Variants in CRPPA observed in about 807,000 individuals in gnomAD.
CRPPA encodes D-ribitol-5-phosphate cytidylyltransferase.
A neutral mutation model predicts 52.0 loss-of-function variants in CRPPA; 43 were observed. That is an observed-to-expected ratio of 0.83 (90% CI 0.65 to 1.07). The LOEUF (loss-of-function observed/expected upper bound fraction) is 1.07. Ranked by LOEUF, CRPPA falls within the 50% of genes least tolerant of loss-of-function variation. The pLI, the probability that CRPPA is intolerant of heterozygous loss-of-function variation, is 0.00. For missense variants in CRPPA, 629 were observed against 551.7 expected, an observed-to-expected ratio of 1.14 and a Z score of -1.40; for synonymous variants, 250 against 203.5, an observed-to-expected ratio of 1.23 and a Z score of -1.94.
chr7:16,266,143 T>C (rs1290989048), intron 6 of CRPPA: 8 of 152,248 alleles, frequency 5.3e-5, no homozygotes, highest in African/African-American at 1.9e-4. Context: ...ATTGCCAGTA[T>C]ACACATTCCC....
chr7:16,151,114 C>G (rs1978253), intron 9 of CRPPA, among the ~76,000 whole-genome samples: 45,500 of 152,038 alleles, frequency 0.3, 8,182 homozygotes, highest in Admixed American at 0.4. Flanking sequence ...GTTAACACAC[C>G]AGTAGGATTC....
rs757952150 is a variant in CRPPA at position 16,091,497 on chromosome 7, T to A, written c.*198A>T. On this transcript the variant is annotated 3_prime_UTR_variant, in exon 10 of 10. Transcript: ENST00000407010. ...TTTTTCTGGTTCAGGCAATTAATAT[T>A]TGTCATACACAAAAGTATTCTTTAT... The A allele has an allele frequency of 6.8e-6, 3 of 440,682 alleles. No homozygotes were observed. Among genetic ancestry groups the A allele is most frequent in the Non-Finnish European group, 1.2e-5 (3 of 253,458 alleles). The allele number at this position is 440,682 out of a possible 1,614,324, so 27.3% of individuals were successfully genotyped here.
chr7:16,100,289 A>G (rs921630117), intron 9 of CRPPA, among the ~76,000 whole-genome samples: 2 of 152,154 alleles, frequency 1.3e-5, no homozygotes, highest in African/African-American at 4.8e-5. Context: ...TTTTTATTGC[A>G]TATCAGTAAT....
In CRPPA at chr7:16,399,463, G is replaced by A. The variant is rs189590719; in HGVS notation, c.534+6598C>T. 2.2e-4 allele frequency among the ~76,000 whole-genome samples: 33 copies of A among 151,944 alleles called. No individual in the cohort carries two copies. In the East Asian group the frequency reaches 6.4e-3, roughly 30 times the overall value. Reference sequence around the variant, plus strand: ...CACATGTCCAACATGTGACTGATACGAGATTGACAAGACGTTTGATCAACA... The same window carrying A: ...CACATGTCCAACATGTGACTGATACAAGATTGACAAGACGTTTGATCAACA... On this transcript the variant is annotated intron_variant, in intron 2 of 9. Coordinates refer to ENST00000407010, the MANE Select transcript of CRPPA (RefSeq NM_001101426.4).
intron 5 of CRPPA, among the ~76,000 whole-genome samples, chr7:16,295,951 T>C (rs554964264): frequency 6.2e-4 from 94 of 152,138 alleles, no homozygotes; most frequent in Non-Finnish European, 8.1e-4. Context: ...TCACTCACAG[T>C]AGAAGCCTGA....
intron 2 of CRPPA, among the ~76,000 whole-genome samples, chr7:16,404,737 T>C (rs1025270685): frequency 6.6e-6 from 1 of 152,174 alleles, no homozygotes; most frequent in African/African-American, 2.4e-5. Context: ...TCTTAAGTTG[T>C]AAATCCTCTG....
At chr7:16,331,444 T>C (rs1785551345) in intron 3 of CRPPA, among the ~76,000 whole-genome samples, 2 of 152,126 alleles carry the variant, frequency 1.3e-5, no homozygotes, top group African/African-American at 2.4e-5. Flanking sequence ...TATATCTTTC[T>C]GTTAATAAAA....
intron 9 of CRPPA, among the ~76,000 whole-genome samples, chr7:16,127,319 T>A (rs779268535): frequency 1.3e-5 from 2 of 152,080 alleles, no homozygotes; most frequent in Non-Finnish European, 2.9e-5. Flanking sequence ...CACTATTGAA[T>A]GTATCCTTGT....
At chr7:16,377,054 T>G (rs1459582111) in intron 2 of CRPPA, among the ~76,000 whole-genome samples, 4 of 152,216 alleles carry the variant, frequency 2.6e-5, no homozygotes, top group Admixed American at 2.6e-4. Flanking sequence ...TGGGGATGAT[T>G]GCAGCATATG....
chr7:16,129,819 C>T (rs1466710756), intron 9 of CRPPA, among the ~76,000 whole-genome samples: 1 of 152,128 alleles, frequency 6.6e-6, no homozygotes, highest in Non-Finnish European at 1.5e-5. Context: ...TTCAATTCAT[C>T]TCCCTTCCTC....
At chr7:16,397,665 G>A (rs555150117) in intron 2 of CRPPA, among the ~76,000 whole-genome samples, 4 of 151,980 alleles carry the variant, frequency 2.6e-5, no homozygotes, top group African/African-American at 9.7e-5. Context: ...ATGTGACTAA[G>A]ACGTCACCGA....
intron 8 of CRPPA, among the ~76,000 whole-genome samples, chr7:16,252,045 A>T (rs568199552): frequency 6.6e-6 from 1 of 152,288 alleles, no homozygotes; most frequent in South Asian, 2.1e-4. Flanking sequence ...GATAGAGAGC[A>T]TATCACGACT....
At chr7:16,229,513 CTT>C (rs1782736370) in intron 8 of CRPPA, among the ~76,000 whole-genome samples, 1 of 150,472 alleles carries the variant, frequency 6.6e-6, no homozygotes, top group South Asian at 2.1e-4. Flanking sequence ...GTGATGAACA[CTT>C]TGATTTTAAC....
At chr7:16,201,872 C>CT (rs1420851488) in intron 9 of CRPPA, among the ~76,000 whole-genome samples, 1 of 152,134 alleles carries the variant, frequency 6.6e-6, no homozygotes, top group Non-Finnish European at 1.5e-5. Context: ...TTTTACTTCT[C>CT]TTTCATCTGA....
chr7:16,119,038 C>T (rs756520396), intron 9 of CRPPA, among the ~76,000 whole-genome samples: 8 of 152,076 alleles, frequency 5.3e-5, no homozygotes, highest in Admixed American at 6.6e-5. Context: ...GCCCGGTCTC[C>T]GAAGGAGTCT....
intron 9 of CRPPA, among the ~76,000 whole-genome samples, chr7:16,162,403 C>G (rs538264575): frequency 2.0e-5 from 3 of 152,038 alleles, no homozygotes; most frequent in East Asian, 1.9e-4. Context: ...TTTCAAAGAA[C>G]TTACTGATTT....
At chr7:16,273,243 G>A (rs553188515) in intron 6 of CRPPA, among the ~76,000 whole-genome samples, 4 of 151,922 alleles carry the variant, frequency 2.6e-5, no homozygotes, top group African/African-American at 9.7e-5. Context: ...CCTGGGTACT[G>A]TGGCCCAAAG....
At chr7:16,388,882 A>G (rs1019418398) in intron 2 of CRPPA, among the ~76,000 whole-genome samples, 1 of 152,212 alleles carries the variant, frequency 6.6e-6, no homozygotes, top group Non-Finnish European at 1.5e-5. Context: ...TCTCAAACCA[A>G]CAAAAACAGT....
chr7:16,387,253 T>A (rs551782958), intron 2 of CRPPA, among the ~76,000 whole-genome samples: 1 of 151,242 alleles, frequency 6.6e-6, no homozygotes, highest in Non-Finnish European at 1.5e-5. Context: ...GTTTCTTACA[T>A]AGATATAATA....
Sources: allele counts gnomAD v4.1 joint callset (sites outside exome capture counted in the v4.1 genomes callset), GRCh38; gene constraint gnomAD v4.1.1; transcripts MANE v1.5; gene names NCBI Gene and HGNC (gene_info 2026-07-23, HGNC 2026-07-21).